Variants in PLOD1 observed in about 807,000 individuals in gnomAD.
PLOD1 encodes procollagen-lysine,2-oxoglutarate 5-dioxygenase 1.
Under a neutral mutation model 94.7 loss-of-function variants are expected in PLOD1, and 70 were observed. The ratio of observed to expected loss-of-function variants is 0.74; its 90% CI spans 0.61 to 0.90. PLOD1 has a LOEUF of 0.90. PLOD1 is among the 40% of genes least tolerant of loss of function. The pLI is 0.00. For synonymous variants in PLOD1, 417 were observed against 400.2 expected (o/e 1.04, Z -0.50); for missense variants, 905 against 972.7 (o/e 0.93, Z 0.93).
chr1:11,956,732 C>T (rs1323850457), intron 6 of PLOD1, among the ~76,000 whole-genome samples, 185 bp from the exon 7 acceptor site: 1 of 152,108 alleles, frequency 6.6e-6, no homozygotes, highest in Non-Finnish European at 1.5e-5. Flanking sequence ...CAAATCCTCC[C>T]CCTCACCCCA....
intron 16 of PLOD1, among the ~76,000 whole-genome samples, chr1:11,968,732 C>T (rs1283099999): frequency 6.6e-6 from 1 of 151,584 alleles, no homozygotes; most frequent in South Asian, 2.1e-4. Context: ...AGGCTGGTCT[C>T]GAACTCCTGA....
At chr1:11,964,859 C>A in intron 13 of PLOD1, 74 bp downstream of exon 13, 1 of 1,514,610 alleles carries the variant, frequency 6.6e-7, no homozygotes, top group Non-Finnish European at 9.1e-7. Flanking sequence ...AGCTCTGACC[C>A]TCATGGTGGG....
chr1:11,953,165 C>A (rs1294014025), intron 5 of PLOD1, among the ~76,000 whole-genome samples: 1 of 152,096 alleles, frequency 6.6e-6, no homozygotes, highest in African/African-American at 2.4e-5. Context: ...AAGCGATTCT[C>A]GAGCCTCAGC....
chr1:11,960,823 T>C, intron 10 of PLOD1, 56 bp downstream of exon 10: 1 of 1,607,282 alleles, frequency 6.2e-7, no homozygotes, highest in Non-Finnish European at 8.5e-7. Flanking sequence ...GAGCTGTGGC[T>C]GTGGTAAGGA....
chr1:11,961,091 TA>T (rs546442143), intron 10 of PLOD1, among the ~76,000 whole-genome samples: 32 of 145,930 alleles, frequency 2.2e-4, no homozygotes, highest in African/African-American at 5.2e-4. Flanking sequence ...TTATTATATA[TA>T]AAAAAAAAAG....
At chr1:11,949,727 A>T in intron 2 of PLOD1, 46 bp from the exon 3 acceptor site, 5 of 1,605,414 alleles carry the variant, frequency 3.1e-6, no homozygotes, top group Non-Finnish European at 4.3e-6. Flanking sequence ...GCCCTGGAAA[A>T]ATATTTCTTT....
intron 16 of PLOD1, among the ~76,000 whole-genome samples, chr1:11,968,745 T>A (rs1000228206): frequency 2.0e-5 from 3 of 151,712 alleles, no homozygotes; most frequent in African/African-American, 7.3e-5. Context: ...ACTCCTGACC[T>A]CATGTTGTGA....
Position 11,972,930 on chromosome 1 carries a change from T to C in PLOD1, c.1961T>C (p.Met654Thr). Reference protein sequence around the residue: ...RYKPDEQPSLMPHHDASTFTI... With the variant: ...RYKPDEQPSLTPHHDASTFTI... ...AAGCCTGATGAGCAGCCCTCACTGA[T>C]GCCACACCATGATGCCTCCACCTTC... The change falls in exon 18 of 19, where the codon ATG becomes ACG. Residue 654 changes from methionine (M) to threonine (T), a missense_variant. Coordinates refer to ENST00000196061, the MANE Select transcript of PLOD1 (RefSeq NM_000302.4). This position sits in a 1 kb window ranked among gnomAD's most constrained non-coding sequence, Gnocchi z 4.6. 2 of 1,614,134 alleles carry C rather than the reference T, an allele frequency of 1.2e-6. No homozygotes were observed. The highest frequency in any genetic ancestry group is 2.7e-5 in the African/African-American group (2 of 75,048).
intron 16 of PLOD1, among the ~76,000 whole-genome samples, chr1:11,969,596 G>T (rs1645846601): frequency 6.6e-6 from 1 of 152,148 alleles, no homozygotes; most frequent in African/African-American, 2.4e-5. Context: ...AATGACTGTG[G>T]CTCAGAATAA....
At position 11,940,801 on chromosome 1, in the gene PLOD1, C is replaced by G. The variant is rs113986743; in HGVS notation, c.76+5946C>G. 7.8e-3 allele frequency among the ~76,000 whole-genome samples: 1,186 copies of G among 152,298 alleles called. 5 individuals carry two copies. The highest frequency in any genetic ancestry group is 0.017 in the South Asian group (84 of 4,828). On this transcript the variant is annotated intron_variant, in intron 1 of 18. Coordinates refer to ENST00000196061, the MANE Select transcript of PLOD1 (RefSeq NM_000302.4). ...CCTTGGTACTCGAAAATGAATCTTC[C>G]ACATCCATGCCTTAAGGGTTTCTCT...
chr1:11,953,091 T>C (rs903727762), intron 5 of PLOD1, among the ~76,000 whole-genome samples: 5 of 152,078 alleles, frequency 3.3e-5, no homozygotes, highest in African/African-American at 4.8e-5. Flanking sequence ...AGTCTCACTG[T>C]ATTGCCCAGG....
chr1:11,966,865 C>T, intron 15 of PLOD1, 122 bp from the exon 16 acceptor site: 1 of 753,512 alleles, frequency 1.3e-6, no homozygotes, highest in East Asian at 2.5e-5. Context: ...CCAGGATTGA[C>T]AAGGCCCTGC....
intron 13 of PLOD1, 92 bp from the exon 14 acceptor site, chr1:11,965,388 T>C (rs1645808741): frequency 3.9e-6 from 3 of 761,492 alleles, no homozygotes; most frequent in Non-Finnish European, 6.9e-6. Flanking sequence ...TGGAGGAGGC[T>C]GCACTGTTGC....
At chr1:11,945,487 G>T (rs965404090) in intron 1 of PLOD1, among the ~76,000 whole-genome samples, 2 of 151,592 alleles carry the variant, frequency 1.3e-5, no homozygotes, top group Non-Finnish European at 2.9e-5. Flanking sequence ...ATGGTCCCTT[G>T]CATGGGAGGT....
chr1:11,955,539 C>T (rs1019173856), intron 6 of PLOD1, among the ~76,000 whole-genome samples: 2 of 152,154 alleles, frequency 1.3e-5, no homozygotes, highest in African/African-American at 4.8e-5. Context: ...CAGAGAAACG[C>T]AGAAAATGCC....
At chr1:11,947,895 A>C in intron 1 of PLOD1, 81 bp from the exon 2 acceptor site, 2 of 883,686 alleles carry the variant, frequency 2.3e-6, no homozygotes, top group Non-Finnish European at 1.9e-6. Context: ...AGAATTTGAC[A>C]GGTCACTGGG....
In PLOD1 at chr1:11,934,732, G is replaced by C. The variant is rs1557478370; in HGVS notation, c.-48G>C. ...CTGCGGCCCCGTCGCGAAGTTTCCAGCCCTGCGAGCGCCGCCGGGTCGGCC... is the reference window on the plus strand; with the variant it reads ...CTGCGGCCCCGTCGCGAAGTTTCCACCCCTGCGAGCGCCGCCGGGTCGGCC... On this transcript the variant is annotated 5_prime_UTR_variant, in exon 1 of 19. Transcript: ENST00000196061. The C allele has an allele frequency of 6.6e-7, 1 of 1,517,266 alleles. No individual in the cohort carries two copies. Among genetic ancestry groups the C allele is most frequent in the Admixed American group, 2.0e-5 (1 of 49,452 alleles). The allele number at this position is 1,517,266 out of a possible 1,614,324, so 94.0% of individuals were successfully genotyped here.
At position 11,950,385 on chromosome 1, in the gene PLOD1, CG is replaced by C; in HGVS notation, c.334del (p.Glu112SerfsTer3). 6.2e-7 allele frequency: 1 copy of C among 1,614,146 alleles called. No individual in the cohort carries two copies. The highest frequency in any genetic ancestry group is 8.5e-7 in the Non-Finnish European group (1 of 1,180,024). ...TGACGTGCTGTTTGCATCGGGGCCC[CG>C]GGAGCTCCTGAAGAAGTTCCGGCAG... ...SYDVLFASGP[R>X]ELLKKFRQAR... On this transcript the variant is annotated frameshift_variant, in exon 4 of 19. Coordinates refer to ENST00000196061, the MANE Select transcript of PLOD1 (RefSeq NM_000302.4). LOFTEE classifies it high-confidence loss of function.
At chr1:11,960,889 G>A in intron 10 of PLOD1, 122 bp downstream of exon 10, 1 of 1,432,870 alleles carries the variant, frequency 7.0e-7, no homozygotes, top group Non-Finnish European at 9.5e-7. Context: ...GCAAGTTCCT[G>A]CCCCTTTCTG....
Sources: gnomAD v4.1 joint callset for allele counts (sites outside exome capture counted in the v4.1 genomes callset) on GRCh38, gnomAD v4.1.1 for gene constraint, Gnocchi (gnomAD v3.1) non-coding constraint, MANE v1.5 for transcripts, NCBI Gene and HGNC (gene_info 2026-07-23, HGNC 2026-07-21) for gene names.